Variants in DST observed in about 807,000 individuals in gnomAD.
The protein encoded by DST is dystonin, also known as bullous pemphigoid antigen.
DST carries 253 observed loss-of-function variants against 875.2 expected under a neutral mutation model. That is an observed-to-expected ratio of 0.29 (90% confidence interval 0.26 to 0.32). DST has a LOEUF of 0.32. DST is among the 10% of genes least tolerant of loss of function. The pLI is 1.00. For missense variants in DST, 8,287 were observed against 9,111.6 expected (o/e 0.91, Z 3.68); for synonymous variants, 3,124 against 3,197.1 (o/e 0.98, Z 0.77).
rs1230924662 is a variant in DST at position 56,714,072 on chromosome 6, C to A, written c.688-9703G>T. On this transcript the variant is annotated intron_variant, in intron 5 of 103. Coordinates refer to ENST00000680361, the MANE Select transcript of DST (RefSeq NM_001374736.1). The surrounding 1 kb of genome is among the most constrained non-coding windows in gnomAD (Gnocchi z 4.5). ...GAGATACCACTGCCACTGCTACAATCCGTTCTGATGCTTAACACCTCTTCC... is the reference window on the plus strand; with the variant it reads ...GAGATACCACTGCCACTGCTACAATACGTTCTGATGCTTAACACCTCTTCC... Among the ~76,000 whole-genome samples the A allele has an allele frequency of 6.6e-6, 1 of 152,160 alleles. No individual in the cohort carries two copies.
rs1255538545 is a variant in DST at position 56,485,359 on chromosome 6, C to T, written c.21160G>A (p.Val7054Ile). 1 of 1,613,752 alleles carries T rather than the reference C, an allele frequency of 6.2e-7. No homozygotes were observed. Among genetic ancestry groups the T allele is most frequent in the East Asian group, 2.2e-5 (1 of 44,884 alleles). The change falls in exon 88 of 104, where the codon GTT (valine) becomes ATT (isoleucine). Residue 7054 changes from valine to isoleucine, a missense_variant. By Grantham distance (29) the Val-to-Ile change is conservative (BLOSUM62 3). Around this residue, in one of 10 missense-constraint regions of DST, gnomAD observed 1,292 missense variants for 1,552.7 expected, o/e 0.83. Transcript: ENST00000680361. ...VEPQLAEDQPVHGDIDLVMNL... is the reference protein window; with the variant it reads ...VEPQLAEDQPIHGDIDLVMNL... Reference sequence around the variant, plus strand: ...ATCACCAAATCAATGTCTCCATGAACAGGCTGGTCTTCTGCCAGCTGGGGT... The same window carrying T: ...ATCACCAAATCAATGTCTCCATGAATAGGCTGGTCTTCTGCCAGCTGGGGT...
At chr6:56,952,701 T>G (rs1822973164) in intron 2 of DST, among the ~76,000 whole-genome samples, 2 of 152,216 alleles carry the variant, frequency 1.3e-5, no homozygotes, top group South Asian at 4.2e-4. Flanking sequence ...CCCATAACCC[T>G]GCAAGGTACT....
intron 3 of DST, among the ~76,000 whole-genome samples, chr6:56,896,004 G>A (rs1301769690): frequency 1.8e-5 from 1 of 55,812 alleles, no homozygotes; most frequent in Non-Finnish European, 3.2e-5. Context: ...GAGGGAGAGG[G>A]AGACGGGAGA....
At chr6:56,679,664 C>T (rs973168522) in intron 9 of DST, among the ~76,000 whole-genome samples, 4 of 151,186 alleles carry the variant, frequency 2.6e-5, no homozygotes, top group African/African-American at 7.3e-5. Flanking sequence ...CAAGCTTCCT[C>T]GGGCCCCTGA....
intron 4 of DST, among the ~76,000 whole-genome samples, chr6:56,757,953 T>C (rs551604954): frequency 1.3e-5 from 2 of 152,320 alleles, no homozygotes; most frequent in Admixed American, 6.5e-5. Context: ...TTAGCCAACC[T>C]AATCCTACCC....
rs766451991 is a variant in DST, at chr6:56,552,185, T to G, written c.16607A>C (p.Lys5536Thr). The change falls in exon 61 of 104, where the codon AAG becomes ACG. Residue 5536 changes from lysine to threonine, a missense_variant and splice_region_variant. By Grantham distance (78) the Lys-to-Thr change is moderately conservative. Transcript: ENST00000680361. ...ETINQQLNMF[K>T]VFQKEEIEPL... ...GGGTAAAAATGAAGAGTTCCCTACC[T>G]TGAACATGTTAAGCTGCTGATTAAT... The G allele has an allele frequency of 5.0e-6, 8 of 1,602,194 alleles. No individual in the cohort carries two copies. The African/African-American group carries it at 1.1e-4, about 22-fold the overall frequency.
At chr6:56,851,763 C>CA (rs1294571818) in intron 3 of DST, 159 bp from the exon 4 acceptor site, 2 of 1,551,528 alleles carry the variant, frequency 1.3e-6, no homozygotes, top group Admixed American at 2.0e-5. Flanking sequence ...ATGCAGAAAC[C>CA]AAAAAAATAA....
chr6:56,696,529 A>G (rs947687945), intron 9 of DST, among the ~76,000 whole-genome samples: 6 of 152,020 alleles, frequency 3.9e-5, no homozygotes, highest in African/African-American at 1.5e-4. Flanking sequence ...TGAACCCCAA[A>G]GGGCTCTCTT....
chr6:56,582,004 A>C (rs958648206), intron 49 of DST, among the ~76,000 whole-genome samples: 2 of 152,176 alleles, frequency 1.3e-5, no homozygotes, highest in African/African-American at 4.8e-5. Flanking sequence ...CGTGCAAATC[A>C]ATCAACAATT....
chr6:56,748,159 C>A (rs759497013), intron 4 of DST, among the ~76,000 whole-genome samples: 1 of 152,116 alleles, frequency 6.6e-6, no homozygotes, highest in Non-Finnish European at 1.5e-5. Flanking sequence ...AAGTAGGTGC[C>A]TTTAGACTTC....
chr6:56,551,464 T>C (rs1250704821), intron 61 of DST, among the ~76,000 whole-genome samples: 1 of 152,210 alleles, frequency 6.6e-6, no homozygotes, highest in Non-Finnish European at 1.5e-5. Context: ...TTGTCCCCTA[T>C]ACAGATGTGA....
chr6:56,598,041 C>T (rs769732283), intron 46 of DST, 35 bp from the exon 47 acceptor site: 26 of 1,538,380 alleles, frequency 1.7e-5, no homozygotes, highest in East Asian at 2.3e-5. Flanking sequence ...GAATTCAGAA[C>T]GTGGGCCAAG....
At chr6:56,947,428 T>C (rs1401738676) in intron 2 of DST, among the ~76,000 whole-genome samples, 1 of 151,844 alleles carries the variant, frequency 6.6e-6, no homozygotes, top group Non-Finnish European at 1.5e-5. Flanking sequence ...TTTTTGTATT[T>C]TAGTAAAGAC....
At chr6:56,722,474 C>A (rs1357072567) in intron 5 of DST, among the ~76,000 whole-genome samples, 1 of 152,188 alleles carries the variant, frequency 6.6e-6, no homozygotes, top group South Asian at 2.1e-4. Context: ...ACCTCTGCCT[C>A]CCAGTTTCAA....
At chr6:56,914,508 T>C (rs534591256) in intron 2 of DST, among the ~76,000 whole-genome samples, 1 of 152,316 alleles carries the variant, frequency 6.6e-6, no homozygotes, top group South Asian at 2.1e-4. Context: ...TGAAACTTCC[T>C]GTGGGATCTT....
At chr6:56,580,316 T>C (rs1474451933) in intron 49 of DST, among the ~76,000 whole-genome samples, 1 of 151,988 alleles carries the variant, frequency 6.6e-6, no homozygotes, top group Non-Finnish European at 1.5e-5. Flanking sequence ...GGAGGCCAAC[T>C]TGGGAGGATC....
At chr6:56,817,810 G>A (rs1445754767) in intron 4 of DST, among the ~76,000 whole-genome samples, 1 of 152,150 alleles carries the variant, frequency 6.6e-6, no homozygotes, top group Non-Finnish European at 1.5e-5. Flanking sequence ...CCCCAAAGAT[G>A]TGCACATCCT....
At chr6:56,651,563 C>T (rs907558270) in intron 10 of DST, among the ~76,000 whole-genome samples, 12 of 152,248 alleles carry the variant, frequency 7.9e-5, no homozygotes, top group Non-Finnish European at 1.8e-4. Context: ...CCAACAGCAT[C>T]TTTCCAATCC....
intron 93 of DST, 116 bp downstream of exon 93, chr6:56,473,757 T>G: frequency 5.4e-5 from 50 of 931,952 alleles, no homozygotes; most frequent in East Asian, 8.1e-5. Context: ...AAGTATTTCA[T>G]GATATCAAGT....
Sources: gnomAD v4.1 joint callset for allele counts (sites outside exome capture counted in the v4.1 genomes callset) on GRCh38, gnomAD v4.1.1 for gene constraint, gnomAD v4.1.1 regional missense constraint, Gnocchi (gnomAD v3.1) non-coding constraint, MANE v1.5 for transcripts, NCBI Gene and HGNC (gene_info 2026-07-23, HGNC 2026-07-21) for gene names.